ZFAND3: variants seen among roughly 807,000 people sequenced by gnomAD.
ZFAND3 encodes the protein AN1-type zinc finger protein 3.
In ZFAND3, 10 loss-of-function variants were observed where a neutral mutation model predicts 29.6. The ratio of observed to expected loss-of-function variants is 0.34; its 90% CI spans 0.21 to 0.57. ZFAND3 has a LOEUF of 0.57. Among genes scored for constraint, ZFAND3 ranks in the 20% least tolerant of loss-of-function variants. The pLI is 0.86. For synonymous variants in ZFAND3, 128 were observed against 112.6 expected (o/e 1.14, Z -0.87); for missense variants, 230 against 304.5 (o/e 0.76, Z 1.82).
chr6:38,102,860 A>T (rs777757914), intron 4 of ZFAND3, among the ~76,000 whole-genome samples: 10 of 152,006 alleles, frequency 6.6e-5, no homozygotes, highest in Non-Finnish European at 1.5e-5. Context: ...GGGTTCAAGC[A>T]ATTCTCCTGC....
chr6:38,091,835 G>A (rs1297552137), intron 4 of ZFAND3, among the ~76,000 whole-genome samples: 1 of 151,814 alleles, frequency 6.6e-6, no homozygotes, highest in East Asian at 2.0e-4. Context: ...CCTTATTACT[G>A]CTCATCAGCA....
chr6:37,910,013 C>A lies in ZFAND3; in HGVS notation c.72-19946C>A, dbSNP rs936726389. ...TTAAAACATAAATTTACATGATTTG[C>A]GTTTTTAAATGTAGGTCTAAGGCTT... On this transcript the variant is annotated intron_variant, in intron 1 of 5. Coordinates refer to ENST00000287218, the MANE Select transcript of ZFAND3 (RefSeq NM_021943.3). 7.2e-5 allele frequency among the ~76,000 whole-genome samples: 11 copies of A among 152,246 alleles called. 1 individual carries two copies. The highest frequency in any genetic ancestry group is 3.3e-4 in the Admixed American group (5 of 15,294).
At chr6:37,866,349 T>C (rs2127386177) in intron 1 of ZFAND3, among the ~76,000 whole-genome samples, 1 of 152,358 alleles carries the variant, frequency 6.6e-6, no homozygotes, top group South Asian at 2.1e-4. Flanking sequence ...GTTTGGTCTA[T>C]ATATAGTTTG....
intron 1 of ZFAND3, among the ~76,000 whole-genome samples, chr6:37,847,221 A>T (rs747684946): frequency 6.6e-5 from 10 of 152,156 alleles, no homozygotes; most frequent in Non-Finnish European, 1.5e-4. Context: ...TATTTTGAGA[A>T]TTATTTTAAA....
intron 2 of ZFAND3, among the ~76,000 whole-genome samples, chr6:37,948,923 G>T (rs1034745170): frequency 2.0e-5 from 3 of 152,162 alleles, no homozygotes; most frequent in African/African-American, 7.2e-5. Flanking sequence ...ACATATATGT[G>T]CATGTGTCTT....
chr6:38,021,022 T>C (rs1224792288), intron 2 of ZFAND3, among the ~76,000 whole-genome samples: 1 of 152,248 alleles, frequency 6.6e-6, no homozygotes, highest in African/African-American at 2.4e-5. Context: ...AGAAAATATA[T>C]GAAAGGAAAT....
chr6:37,886,370 T>G (rs1210804547), intron 1 of ZFAND3, among the ~76,000 whole-genome samples: 1 of 152,052 alleles, frequency 6.6e-6, no homozygotes, highest in Non-Finnish European at 1.5e-5. Context: ...TTCAGTAATG[T>G]GATCTTAGGT....
At position 37,950,988 on chromosome 6, in the gene ZFAND3, T is replaced by C. The variant is rs1358910983; in HGVS notation, c.112+20989T>C. The stretch of plus-strand genomic sequence containing the variant: ...TGGCCATTTTAACAATATTGATTCT[T>C]CCTATCCGTGAGCATGGAATGTTTT... On this transcript the variant is annotated intron_variant, in intron 2 of 5. Coordinates refer to ENST00000287218, the MANE Select transcript of ZFAND3 (RefSeq NM_021943.3). 2.6e-5 allele frequency among the ~76,000 whole-genome samples: 4 copies of C among 152,362 alleles called. No individual in the cohort carries two copies. The East Asian group carries it at 7.7e-4, about 29-fold the overall frequency.
At chr6:37,822,335 A>C (rs1223272727) in intron 1 of ZFAND3, among the ~76,000 whole-genome samples, 1 of 152,162 alleles carries the variant, frequency 6.6e-6, no homozygotes. Context: ...TTATCGTGAA[A>C]AGTGTTCTTT....
intron 4 of ZFAND3, among the ~76,000 whole-genome samples, chr6:38,112,835 A>G (rs1765346263): frequency 6.6e-6 from 1 of 152,234 alleles, no homozygotes; most frequent in South Asian, 2.1e-4. Flanking sequence ...TTAGCAGAGG[A>G]AATGTAAATT....
chr6:38,062,924 C>CAA (rs879824351), intron 3 of ZFAND3, among the ~76,000 whole-genome samples: 2 of 133,144 alleles, frequency 1.5e-5, no homozygotes, highest in Admixed American at 7.6e-5. Context: ...TTGTCTCTAC[C>CAA]AAAAAAAAAA....
chr6:38,103,456 CAT>C (rs1462951082), intron 4 of ZFAND3, among the ~76,000 whole-genome samples: 9 of 21,144 alleles, frequency 4.3e-4, no homozygotes, highest in South Asian at 4.2e-3. Context: ...TATATACACA[CAT>C]ATATACACGT....
intron 2 of ZFAND3, among the ~76,000 whole-genome samples, chr6:37,987,415 G>T (rs1161988003): frequency 1.3e-5 from 2 of 152,166 alleles, no homozygotes; most frequent in Non-Finnish European, 2.9e-5. Flanking sequence ...AGTAGGCATA[G>T]AATTCATTTT....
chr6:38,153,137 G>A lies in ZFAND3; in HGVS notation c.*748G>A, dbSNP rs1445043911. 3.0e-6 allele frequency: 3 copies of A among 985,516 alleles called. No individual in the cohort carries two copies. The highest frequency in any genetic ancestry group is 4.7e-5 in the South Asian group (1 of 21,290). 61.0% of individuals were successfully genotyped at this position (985,516 alleles called of 1,614,324 possible). On this transcript the variant is annotated 3_prime_UTR_variant, in exon 6 of 6. Transcript: ENST00000287218. The stretch of plus-strand genomic sequence containing the variant: ...TCACGAGAAGCAGCCAGAGTGCCCC[G>A]CCTCCGCCGGCTCTGGTCTGCCATT...
At chr6:37,951,236 C>T (rs759248704) in intron 2 of ZFAND3, among the ~76,000 whole-genome samples, 4 of 152,038 alleles carry the variant, frequency 2.6e-5, no homozygotes, top group East Asian at 1.9e-4. Flanking sequence ...TATCCTGGAA[C>T]GTTGCCGAAG....
At chr6:37,955,898 A>T (rs561173226) in intron 2 of ZFAND3, among the ~76,000 whole-genome samples, 3 of 152,364 alleles carry the variant, frequency 2.0e-5, no homozygotes, top group Non-Finnish European at 4.4e-5. Context: ...AGAGGAAGAA[A>T]TAAATGTGAC....
rs562652334 is a variant in ZFAND3, at chr6:38,102,605, A to G, written c.362-13967A>G. ...TTCCCTCCAGACCTGTCCAAATATA[A>G]GTCAACAGTAGGAGGAAGTGCCCAC... is the stretch of plus-strand genomic sequence containing the variant. On this transcript the variant is annotated intron_variant, in intron 4 of 5. Coordinates refer to ENST00000287218, the MANE Select transcript of ZFAND3 (RefSeq NM_021943.3). Among the ~76,000 whole-genome samples, 5 of 152,286 alleles carry G rather than the reference A, an allele frequency of 3.3e-5. No individual in the cohort carries two copies. The South Asian group carries it at 8.3e-4, about 25-fold the overall frequency.
At chr6:38,020,385 TA>T (rs901416553) in intron 2 of ZFAND3, among the ~76,000 whole-genome samples, 10 of 152,078 alleles carry the variant, frequency 6.6e-5, no homozygotes, top group South Asian at 2.1e-4. Context: ...ACTTGGTGGT[TA>T]AAAAAAAAAA....
intron 1 of ZFAND3, among the ~76,000 whole-genome samples, chr6:37,849,342 C>T (rs1172706838): frequency 6.6e-6 from 1 of 152,168 alleles, no homozygotes; most frequent in African/African-American, 2.4e-5. Flanking sequence ...TCATAAACAC[C>T]TGTCTTCCCC....
Sources: gnomAD v4.1 joint callset for allele counts (sites outside exome capture counted in the v4.1 genomes callset) on GRCh38, gnomAD v4.1.1 for gene constraint, MANE v1.5 for transcripts, NCBI Gene and HGNC (gene_info 2026-07-23, HGNC 2026-07-21) for gene names.